Variants in SPTBN1 observed in about 807,000 individuals in gnomAD.
The protein encoded by SPTBN1 is spectrin beta chain, non-erythrocytic 1.
Under a neutral mutation model 266.4 loss-of-function variants are expected in SPTBN1, and 32 were observed. That is an observed-to-expected ratio of 0.12 (90% CI 0.09 to 0.16). SPTBN1 has a LOEUF of 0.16. Among genes scored for constraint, SPTBN1 ranks in the 10% least tolerant of loss-of-function variants. SPTBN1 has a pLI of 1.00. For missense variants in SPTBN1, 2,296 were observed against 3,067.1 expected, an observed-to-expected ratio of 0.75 and a Z score of 5.94; for synonymous variants, 1,336 against 1,162.2, an observed-to-expected ratio of 1.15 and a Z score of -3.04.
intron 1 of SPTBN1, among the ~76,000 whole-genome samples, chr2:54,502,412 G>T (rs1038375284): frequency 3.3e-5 from 5 of 152,196 alleles, no homozygotes; most frequent in South Asian, 4.2e-4. Flanking sequence ...TCTGTGAAGG[G>T]TTGGTTTACA....
rs1379063760 is a variant in SPTBN1 at position 54,670,927 on chromosome 2, C to G, written c.*2358C>G. ...GCCGCACAGCCTGATGAGCTTCAAG[C>G]CTGGCAGGGTAAATAGTTTTTGGGT... On this transcript the variant is annotated 3_prime_UTR_variant, in exon 36 of 36. Coordinates refer to ENST00000356805, the MANE Select transcript of SPTBN1 (RefSeq NM_003128.3). 1 of 397,718 alleles carries G rather than the reference C, an allele frequency of 2.5e-6. No homozygotes were observed. Among genetic ancestry groups the G allele is most frequent in the Non-Finnish European group, 4.4e-6 (1 of 225,988 alleles). The allele number at this position is 397,718 out of a possible 1,614,324, so 24.6% of individuals were successfully genotyped here.
intron 3 of SPTBN1, 134 bp from the exon 4 acceptor site, chr2:54,612,027 T>C: frequency 1.1e-6 from 1 of 875,082 alleles, no homozygotes; most frequent in East Asian, 2.5e-5. Context: ...ACTTAATGAG[T>C]ACATGTGTTT....
chr2:54,662,238 G>C (rs1280044380), intron 32 of SPTBN1: 2 of 985,306 alleles, frequency 2.0e-6, no homozygotes, highest in Non-Finnish European at 1.2e-6. Flanking sequence ...TTTGATGTGT[G>C]TCTCTAGTGG....
Position 54,670,022 on chromosome 2 carries a change from C to T in SPTBN1, c.*1453C>T, listed in dbSNP as rs1277068049. 2 of 152,198 alleles carry T rather than the reference C, an allele frequency of 1.3e-5. No individual in the cohort carries two copies. The highest frequency in any genetic ancestry group is 2.1e-4 in the South Asian group (1 of 4,832). 9.4% of individuals were successfully genotyped at this position (152,198 alleles called of 1,614,324 possible). A position where few individuals can be genotyped will look rare whatever the true frequency, so the allele number is the denominator to read the frequency against. The stretch of plus-strand genomic sequence containing the variant: ...CCGTAACTGTCTCTGTTGCTCAATT[C>T]TGCTGTTGCGTAATACAAAGGCAGC... On this transcript the variant is annotated 3_prime_UTR_variant, in exon 36 of 36. Transcript: ENST00000356805.
chr2:54,457,532 A>G (rs1693121531), intron 1 of SPTBN1, among the ~76,000 whole-genome samples: 1 of 152,164 alleles, frequency 6.6e-6, no homozygotes, highest in Non-Finnish European at 1.5e-5. Flanking sequence ...GGCGGAGCAG[A>G]AAATTGAATT....
intron 2 of SPTBN1, among the ~76,000 whole-genome samples, chr2:54,562,696 T>TGTGTGTG (rs1673390172): frequency 8.2e-6 from 1 of 122,598 alleles, no homozygotes; most frequent in Non-Finnish European, 1.6e-5. Context: ...AAACCCTGCT[T>TGTGTGTG]TGTGTGTGTG....
intron 1 of SPTBN1, among the ~76,000 whole-genome samples, chr2:54,469,089 C>T (rs1213728951): frequency 1.3e-5 from 2 of 152,144 alleles, no homozygotes; most frequent in African/African-American, 4.8e-5. Context: ...AGCGTTATTT[C>T]TATTTGATTA....
chr2:54,470,638 TAGAG>T (rs1015382445), intron 1 of SPTBN1, among the ~76,000 whole-genome samples: 4 of 152,342 alleles, frequency 2.6e-5, no homozygotes, highest in African/African-American at 9.6e-5. Flanking sequence ...TATTAAAAAT[TAGAG>T]AGTACACTGA....
intron 2 of SPTBN1, among the ~76,000 whole-genome samples, chr2:54,531,546 C>G (rs957901735): frequency 1.7e-4 from 26 of 151,808 alleles, no homozygotes; most frequent in African/African-American, 6.3e-4. Context: ...GCCTCAGCCT[C>G]TTGAGTAGCT....
At position 54,630,134 on chromosome 2, in the gene SPTBN1, G is replaced by A. The variant is rs541615297; in HGVS notation, c.2807+105G>A. ...TGGGAATTTCCCACATGGGGTCATCGACATTGCAACACTGATGTCATGGCA... is the reference window on the plus strand; with the variant it reads ...TGGGAATTTCCCACATGGGGTCATCAACATTGCAACACTGATGTCATGGCA... On this transcript the variant is annotated intron_variant, in intron 15 of 35. Coordinates refer to ENST00000356805, the MANE Select transcript of SPTBN1 (RefSeq NM_003128.3). 2.6e-4 allele frequency: 365 copies of A among 1,431,148 alleles called. 1 individual carries two copies. Among genetic ancestry groups the A allele is most frequent in the Non-Finnish European group, 3.1e-4 (329 of 1,063,066 alleles). 88.7% of individuals were successfully genotyped at this position (1,431,148 alleles called of 1,614,324 possible). A position where few individuals can be genotyped will look rare whatever the true frequency, so the allele number is the denominator to read the frequency against.
At chr2:54,636,085 A>T (rs1002217706) in intron 17 of SPTBN1, among the ~76,000 whole-genome samples, 17 of 152,346 alleles carry the variant, frequency 1.1e-4, no homozygotes, top group African/African-American at 4.1e-4. Context: ...TCCCATCTGT[A>T]GCATATGCCA....
chr2:54,483,150 T>C (rs1240605780), intron 1 of SPTBN1, among the ~76,000 whole-genome samples: 3 of 152,178 alleles, frequency 2.0e-5, no homozygotes, highest in African/African-American at 7.2e-5. Context: ...AGGAGATTTT[T>C]ATCTCTTCTG....
intron 2 of SPTBN1, among the ~76,000 whole-genome samples, chr2:54,535,829 T>C (rs996767048): frequency 1.3e-5 from 2 of 152,162 alleles, no homozygotes; most frequent in African/African-American, 4.8e-5. Flanking sequence ...CTGGCCAACA[T>C]GGTAAAAACC....
intron 2 of SPTBN1, chr2:54,529,704 A>T (rs566016244): frequency 4.2e-6 from 3 of 716,240 alleles, no homozygotes; most frequent in Admixed American, 1.7e-5. Flanking sequence ...TGTGACATTG[A>T]TGGGGCCAAG....
chr2:54,514,085 C>T (rs1030760777), intron 1 of SPTBN1, among the ~76,000 whole-genome samples: 13 of 152,178 alleles, frequency 8.5e-5, no homozygotes, highest in Admixed American at 2.6e-4. Context: ...GAATTTTCTT[C>T]TCAGGGACTC....
intron 15 of SPTBN1, 102 bp from the exon 16 acceptor site, chr2:54,630,753 A>G (rs1167864494): frequency 7.3e-7 from 1 of 1,371,090 alleles, no homozygotes; most frequent in Non-Finnish European, 9.6e-7. Flanking sequence ...GCACAGATGG[A>G]GAAAACAGAT....
intron 32 of SPTBN1, 64 bp downstream of exon 32, chr2:54,660,063 G>A: frequency 6.2e-7 from 1 of 1,614,228 alleles, no homozygotes; most frequent in East Asian, 2.2e-5. Context: ...GACAGCCAGT[G>A]ACCAGCCATG....
At chr2:54,630,664 T>C (rs12624153) in intron 15 of SPTBN1, among the ~76,000 whole-genome samples, 191 bp from the exon 16 acceptor site, 14,957 of 152,310 alleles carry the variant, frequency 0.098, 1,319 homozygotes, top group East Asian at 0.48. Context: ...CAGATTACAT[T>C]GCATCCCTGA....
chr2:54,659,797 C>A lies in SPTBN1; in HGVS notation c.6357-139C>A. The A allele has an allele frequency of 9.0e-6, 13 of 1,443,994 alleles. No individual in the cohort carries two copies. The South Asian group carries it at 1.7e-4, about 19-fold the overall frequency. The allele number at this position is 1,443,994 out of a possible 1,614,324, so 89.4% of individuals were successfully genotyped here. On this transcript the variant is annotated intron_variant, in intron 31 of 35. Transcript: ENST00000356805. ...GTCTATTTAAAACACTTGGAAGTTTCAGATTTAAAAAGAATTAAATTATGT... is the reference window on the plus strand; with the variant it reads ...GTCTATTTAAAACACTTGGAAGTTTAAGATTTAAAAAGAATTAAATTATGT...
Sources: gnomAD v4.1 joint callset for allele counts (sites outside exome capture counted in the v4.1 genomes callset) on GRCh38, gnomAD v4.1.1 for gene constraint, MANE v1.5 for transcripts, NCBI Gene and HGNC (gene_info 2026-07-23, HGNC 2026-07-21) for gene names.